Variants in RABGAP1L observed in about 807,000 individuals in gnomAD.
The protein encoded by RABGAP1L is RAB GTPase activating protein 1 like, also known as rab GTPase-activating protein 1-like.
RABGAP1L carries 63 observed loss-of-function variants against 137.7 expected under a neutral mutation model. The observed-to-expected ratio is 0.46, with a 90% CI of 0.37 to 0.56. RABGAP1L has a LOEUF of 0.56. RABGAP1L is among the 20% of genes least tolerant of loss of function. The pLI is 0.00. For synonymous variants in RABGAP1L, 431 were observed against 433.7 expected (o/e 0.99, Z 0.08); for missense variants, 1,095 against 1,244.0 (o/e 0.88, Z 1.80).
chr1:174,375,254 A>T (rs548882332), intron 12 of RABGAP1L, among the ~76,000 whole-genome samples: 3 of 152,096 alleles, frequency 2.0e-5, no homozygotes, highest in East Asian at 3.9e-4. Context: ...ATAGATTTAA[A>T]ATTCATGGCA....
intron 23 of RABGAP1L, among the ~76,000 whole-genome samples, chr1:174,981,994 G>A (rs185380570): frequency 2.1e-4 from 32 of 152,232 alleles, no homozygotes; most frequent in Admixed American, 1.2e-3. Flanking sequence ...AAGCTATAAA[G>A]AAATGGAGCT....
intron 14 of RABGAP1L, among the ~76,000 whole-genome samples, chr1:174,649,094 CTT>C (rs1368419637): frequency 6.6e-5 from 10 of 152,128 alleles, no homozygotes; most frequent in African/African-American, 2.4e-4. Context: ...CTGTCTGTGT[CTT>C]TGCACATGAG....
At chr1:174,602,401 G>A (rs897633251) in intron 13 of RABGAP1L, among the ~76,000 whole-genome samples, 3 of 152,086 alleles carry the variant, frequency 2.0e-5, no homozygotes, top group African/African-American at 4.8e-5. Context: ...AGAATAGCAG[G>A]GGAAACTCGT....
intron 13 of RABGAP1L, among the ~76,000 whole-genome samples, chr1:174,544,009 T>A (rs1339657109): frequency 6.6e-6 from 1 of 152,218 alleles, no homozygotes; most frequent in African/African-American, 2.4e-5. Context: ...TCGACCTTTC[T>A]CTCTGGCTGC....
chr1:174,524,403 G>A (rs1663698711), intron 13 of RABGAP1L, among the ~76,000 whole-genome samples: 1 of 152,000 alleles, frequency 6.6e-6, no homozygotes, highest in African/African-American at 2.4e-5. Context: ...CTAATGATTA[G>A]TGATGTTGAA....
At chr1:174,712,273 C>T (rs762225664) in intron 17 of RABGAP1L, among the ~76,000 whole-genome samples, 2 of 152,160 alleles carry the variant, frequency 1.3e-5, no homozygotes, top group East Asian at 3.9e-4. Flanking sequence ...TTCTTTTGCT[C>T]TTTGCAGTAA....
At chr1:174,416,474 A>G (rs1650602106) in intron 13 of RABGAP1L, among the ~76,000 whole-genome samples, 1 of 152,050 alleles carries the variant, frequency 6.6e-6, no homozygotes, top group Admixed American at 6.6e-5. Context: ...ATATTAATGG[A>G]CTTGTTGAGT....
At chr1:174,953,775 C>T (rs960172628) in intron 19 of RABGAP1L, among the ~76,000 whole-genome samples, 9 of 152,034 alleles carry the variant, frequency 5.9e-5, no homozygotes, top group South Asian at 2.1e-4. Flanking sequence ...TCGGTCAGAG[C>T]GGTGGGGAAA....
intron 11 of RABGAP1L, among the ~76,000 whole-genome samples, chr1:174,352,507 C>T (rs1321526578): frequency 6.6e-6 from 1 of 152,116 alleles, no homozygotes; most frequent in African/African-American, 2.4e-5. Context: ...TGAACTTTCT[C>T]AGAGCAGCTA....
intron 14 of RABGAP1L, among the ~76,000 whole-genome samples, chr1:174,648,774 TG>T (rs926528924): frequency 6.6e-6 from 1 of 152,152 alleles, no homozygotes; most frequent in African/African-American, 2.4e-5. Context: ...TCTGTCTTGT[TG>T]ATCTGTCTGA....
chr1:174,959,751 C>G (rs1191109156), intron 20 of RABGAP1L, among the ~76,000 whole-genome samples: 1 of 152,112 alleles, frequency 6.6e-6, no homozygotes, highest in Non-Finnish European at 1.5e-5. Context: ...CCTGGTAATA[C>G]ACTTGGTGAA....
At chr1:174,232,550 G>C (rs370233774) in intron 4 of RABGAP1L, among the ~76,000 whole-genome samples, 4 of 151,614 alleles carry the variant, frequency 2.6e-5, no homozygotes, top group Non-Finnish European at 4.4e-5. Context: ...TTGGAAGGCC[G>C]AGGTGGGTGG....
intron 18 of RABGAP1L, among the ~76,000 whole-genome samples, chr1:174,786,029 C>T (rs1687423543): frequency 6.6e-6 from 1 of 152,202 alleles, no homozygotes; most frequent in Non-Finnish European, 1.5e-5. Flanking sequence ...TGTATACCAT[C>T]TGGCTAACTC....
At chr1:174,515,111 C>T (rs1662699189) in intron 13 of RABGAP1L, among the ~76,000 whole-genome samples, 1 of 151,920 alleles carries the variant, frequency 6.6e-6, no homozygotes, top group African/African-American at 2.4e-5. Flanking sequence ...TAGCAATTTT[C>T]AATGCGTTGT....
intron 1 of RABGAP1L, among the ~76,000 whole-genome samples, chr1:174,179,907 AAT>A (rs1666215326): frequency 6.6e-6 from 1 of 152,104 alleles, no homozygotes; most frequent in African/African-American, 2.4e-5. Context: ...TGTAGAAAAT[AAT>A]ATGTTAGTAG....
At chr1:174,986,621 ATGAAT>A (rs375247198) in intron 24 of RABGAP1L, among the ~76,000 whole-genome samples, 69 of 152,328 alleles carry the variant, frequency 4.5e-4, no homozygotes, top group African/African-American at 1.5e-3. Context: ...GGTAGAGTAA[ATGAAT>A]ACATTTTCTG....
At chr1:174,627,039 TA>T (rs1407844081) in intron 13 of RABGAP1L, among the ~76,000 whole-genome samples, 1 of 152,228 alleles carries the variant, frequency 6.6e-6, no homozygotes, top group Non-Finnish European at 1.5e-5. Flanking sequence ...TTAATGGCAC[TA>T]ACAGATTGGT....
At chr1:174,160,411 C>G (rs1329474672) in intron 1 of RABGAP1L, among the ~76,000 whole-genome samples, 1 of 152,190 alleles carries the variant, frequency 6.6e-6, no homozygotes, top group Non-Finnish European at 1.5e-5. Context: ...GGGCCACCGG[C>G]TAGCGGGAGG....
At chr1:174,618,140 C>A (rs61826919) in intron 13 of RABGAP1L, among the ~76,000 whole-genome samples, 3,002 of 152,308 alleles carry the variant, frequency 0.02, 50 homozygotes, top group Middle Eastern at 0.054. Context: ...AACAAAGCGG[C>A]TGGGAAGCTC....
Sources: gnomAD v4.1 joint callset for allele counts (sites outside exome capture counted in the v4.1 genomes callset) on GRCh38, gnomAD v4.1.1 for gene constraint, MANE v1.5 for transcripts, NCBI Gene and HGNC (gene_info 2026-07-23, HGNC 2026-07-21) for gene names.